MTCL1: variants seen among roughly 807,000 people sequenced by gnomAD.
MTCL1 encodes the protein microtubule crosslinking factor 1.
In MTCL1, 79 loss-of-function variants were observed where a neutral mutation model predicts 141.4. That is an observed-to-expected ratio of 0.56 (90% CI 0.47 to 0.67). The LOEUF (loss-of-function observed/expected upper bound fraction) is 0.67, where lower values mean the gene tolerates loss of function less well. Ranked by LOEUF, MTCL1 falls within the 30% of genes least tolerant of loss-of-function variation. The pLI is 0.00. For missense variants in MTCL1, 2,177 were observed against 2,113.9 expected (o/e 1.03, Z -0.59); for synonymous variants, 914 against 875.8 (o/e 1.04, Z -0.77).
chr18:8,750,844 AT>A (rs1408772613), intron 4 of MTCL1, among the ~76,000 whole-genome samples: 1 of 152,156 alleles, frequency 6.6e-6, no homozygotes, highest in African/African-American at 2.4e-5. Flanking sequence ...GTAAAACTGA[AT>A]TTATTTCCGG....
intron 4 of MTCL1, among the ~76,000 whole-genome samples, chr18:8,744,428 A>T (rs1215650320): frequency 6.6e-6 from 1 of 152,212 alleles, no homozygotes; most frequent in Non-Finnish European, 1.5e-5. Context: ...GACACTGTAT[A>T]TTCTTCATCC....
In MTCL1 at chr18:8,746,849, C is replaced by A. The variant is rs532239032; in HGVS notation, c.357+26353C>A. 3.3e-5 allele frequency among the ~76,000 whole-genome samples: 5 copies of A among 152,260 alleles called. No individual in the cohort carries two copies. In the South Asian group the frequency reaches 8.3e-4, roughly 25 times the overall value. On this transcript the variant is annotated intron_variant, in intron 4 of 16. Coordinates refer to ENST00000359865, the Ensembl canonical transcript of MTCL1. ...GTCATGAATATATACCCGAGGACCG[C>A]GTGCACCTACAATAAATGCAAAAAG...
chr18:8,729,852 T>A (rs1011714080), intron 4 of MTCL1, among the ~76,000 whole-genome samples: 1 of 152,052 alleles, frequency 6.6e-6, no homozygotes, highest in African/African-American at 2.4e-5. Context: ...TTTTGTGGTA[T>A]CAATTTTAAA....
chr18:8,784,973 C>A, intron 6 of MTCL1, 130 bp downstream of exon 5: 1 of 697,800 alleles, frequency 1.4e-6, no homozygotes, highest in Non-Finnish European at 2.1e-6. Context: ...TGTACTAAAG[C>A]CTCCGGGGCA....
chr18:8,789,380 T>C (rs543153907), intron 7 of MTCL1: 545 of 982,102 alleles, frequency 5.5e-4, no homozygotes, highest in Non-Finnish European at 6.4e-4. Flanking sequence ...GGAATTGTCC[T>C]AATAGAGGAG....
intron 4 of MTCL1, among the ~76,000 whole-genome samples, chr18:8,774,254 A>ATGTGTGTGTGTGTGTGTGTG (rs138724389): frequency 3.5e-4 from 53 of 150,132 alleles, no homozygotes; most frequent in African/African-American, 1.2e-3. Context: ...CTCTTTTCGA[A>ATGTGTGTGTGTGTGTGTGTG]TGTGTGTGTG....
rs781773829 is a variant in MTCL1 at position 8,807,045 on chromosome 18, G to A, written c.2589G>A (p.Lys863=). The A allele has an allele frequency of 1.9e-6, 3 of 1,613,320 alleles. No homozygotes were observed. The East Asian group carries it at 6.7e-5, about 36-fold the overall frequency. Residue 863 remains lysine, a synonymous_variant, in exon 11 of 17, where the codon AAG becomes AAA. Transcript: ENST00000359865. ...GGGACGTGGAGTGGGCCGTGCTCAA[G>A]TGCCGTCTGGAACAGGTACCACCCT... is the stretch of plus-strand genomic sequence containing the variant.
intron 4 of MTCL1, among the ~76,000 whole-genome samples, chr18:8,726,306 T>C (rs2096211220): frequency 1.6e-5 from 1 of 63,540 alleles, no homozygotes; most frequent in East Asian, 4.2e-4. Flanking sequence ...TTTTTTTTTT[T>C]GTCTTAAACA....
chr18:8,779,215 C>T lies in MTCL1; in HGVS notation c.417+1323C>T, dbSNP rs564187734. ...ATATATTTCTGTTGCTTGACAAGGC[C>T]TTTCCCGCTGGTGGTGATGGTGGTG... On this transcript the variant is annotated intron_variant, in intron 5 of 16. Transcript: ENST00000359865. This position sits in a 1 kb window ranked among gnomAD's most constrained non-coding sequence, Gnocchi z 4.1. Among the ~76,000 whole-genome samples the T allele has an allele frequency of 1.1e-4, 17 of 152,266 alleles. No individual in the cohort carries two copies. The highest frequency in any genetic ancestry group is 3.1e-4 in the African/African-American group (13 of 41,558).
chr18:8,732,087 G>C (rs1370221945), intron 4 of MTCL1, among the ~76,000 whole-genome samples: 17 of 151,966 alleles, frequency 1.1e-4, no homozygotes, highest in Non-Finnish European at 1.5e-5. Flanking sequence ...ATATAATTTA[G>C]GTAACTTTAT....
intron 4 of MTCL1, among the ~76,000 whole-genome samples, chr18:8,759,725 A>G (rs2096420503): frequency 6.6e-6 from 1 of 152,242 alleles, no homozygotes; most frequent in Non-Finnish European, 1.5e-5. Context: ...TGTGATGGCC[A>G]CAAATGTCAA....
exon 13 of MTCL1, chr18:8,819,176 C>T: frequency 3.1e-6 from 5 of 1,614,240 alleles, no homozygotes; most frequent in Non-Finnish European, 4.2e-6. Flanking sequence ...GAATCTCTAC[C>T]TGGATGCCTT....
At chr18:8,804,398 G>C (rs2076224107) in intron 10 of MTCL1, among the ~76,000 whole-genome samples, 1 of 152,066 alleles carries the variant, frequency 6.6e-6, no homozygotes, top group African/African-American at 2.4e-5. Flanking sequence ...TGGGACTACA[G>C]GCAAGAGCCA....
At chr18:8,763,551 G>A (rs1241709242) in intron 4 of MTCL1, among the ~76,000 whole-genome samples, 2 of 152,238 alleles carry the variant, frequency 1.3e-5, no homozygotes, top group Non-Finnish European at 2.9e-5. Context: ...CAAAGCTCTT[G>A]TATGGAAGAG....
intron 4 of MTCL1, among the ~76,000 whole-genome samples, chr18:8,730,140 G>C (rs1241653857): frequency 1.3e-5 from 2 of 152,072 alleles, no homozygotes; most frequent in Non-Finnish European, 2.9e-5. Context: ...TGGGTTCTCT[G>C]CTCTGTTCCA....
intron 4 of MTCL1, among the ~76,000 whole-genome samples, chr18:8,751,584 G>A (rs2096371489): frequency 1.3e-5 from 2 of 152,166 alleles, no homozygotes; most frequent in African/African-American, 4.8e-5. Flanking sequence ...TTTTGGTTTT[G>A]AGGGTTTTAG....
upstream of MTCL1, chr18:8,705,585 A>ACGCCGCCGTCGC (rs2096056033): frequency 1.8e-6 from 2 of 1,137,846 alleles, no homozygotes; most frequent in East Asian, 3.7e-5. The surrounding 1 kb of genome is among the most constrained non-coding windows in gnomAD (Gnocchi z 5.2). Flanking sequence ...GGGAGGCTGC[A>ACGCCGCCGTCGC]CGCCGCCGCC....
intron 1 of MTCL1, among the ~76,000 whole-genome samples, chr18:8,708,960 T>C (rs2096072216): frequency 6.6e-6 from 1 of 152,178 alleles, no homozygotes; most frequent in South Asian, 2.1e-4. Flanking sequence ...AGGTACTCAT[T>C]TGGCCACTCA....
Position 8,828,932 on chromosome 18 carries a change from C to G in MTCL1, c.4747C>G (p.Pro1583Ala). The G allele has an allele frequency of 3.1e-6, 5 of 1,614,206 alleles. No individual in the cohort carries two copies. Among genetic ancestry groups the G allele is most frequent in the Non-Finnish European group, 1.7e-6 (2 of 1,180,034 alleles). Residue 1583 changes from proline to alanine, a missense_variant, in exon 16 of 17, where the codon CCC becomes GCC. Transcript: ENST00000359865. The surrounding 1 kb of genome is among the most constrained non-coding windows in gnomAD (Gnocchi z 5.2). ...GAACCAAACTGTCTTGCTAACTGCCCCCTGGGGACTCTAGCCCTGCCCGCC... is the reference window on the plus strand; with the variant it reads ...GAACCAAACTGTCTTGCTAACTGCCGCCTGGGGACTCTAGCCCTGCCCGCC...
Sources: allele counts gnomAD v4.1 joint callset (sites outside exome capture counted in the v4.1 genomes callset), GRCh38; gene constraint gnomAD v4.1.1; non-coding constraint Gnocchi (gnomAD v3.1); transcripts MANE v1.5; gene names NCBI Gene and HGNC (gene_info 2026-07-23, HGNC 2026-07-21).